NEMF: variants seen among roughly 807,000 people sequenced by gnomAD.
NEMF encodes nuclear export mediator factor, also known as ribosome quality control complex subunit NEMF.
Under a neutral mutation model 162.2 loss-of-function variants are expected in NEMF, and 89 were observed. The ratio of observed to expected loss-of-function variants is 0.55; its 90% CI spans 0.46 to 0.65. The LOEUF (loss-of-function observed/expected upper bound fraction) is 0.65, where lower values mean the gene tolerates loss of function less well. Ranked by LOEUF, NEMF falls within the 30% of genes least tolerant of loss-of-function variation. The probability of loss-of-function intolerance (pLI) is 0.00; values close to 1 mark genes in which losing one functional copy is unlikely to be tolerated. For missense variants in NEMF, 1,133 were observed against 1,261.9 expected, an observed-to-expected ratio of 0.90 and a Z score of 1.55; for synonymous variants, 421 against 404.5, an observed-to-expected ratio of 1.04 and a Z score of -0.49.
At chr14:49,838,093 C>T in intron 6 of NEMF, 46 bp downstream of exon 6, 1 of 1,440,720 alleles carries the variant, frequency 6.9e-7, no homozygotes, top group Non-Finnish European at 9.6e-7. Context: ...TCCTGAAAAC[C>T]ACACTGCCTT....
At chr14:49,789,430 C>A in intron 27 of NEMF, 66 bp downstream of exon 27, 2 of 1,608,796 alleles carry the variant, frequency 1.2e-6, no homozygotes, top group Non-Finnish European at 1.7e-6. Flanking sequence ...GCCTGTCATA[C>A]GCTAGGCAGT....
intron 26 of NEMF, among the ~76,000 whole-genome samples, chr14:49,792,541 G>A (rs184349575): frequency 2.2e-4 from 34 of 152,232 alleles, no homozygotes; most frequent in Non-Finnish European, 4.3e-4. Flanking sequence ...AAGTTCTAGA[G>A]AGCAGAAAAA....
rs956363478 is a variant in NEMF, at chr14:49,789,578, A to G, written c.2620-5T>C. The G allele has an allele frequency of 1.2e-6, 2 of 1,605,128 alleles. No individual in the cohort carries two copies. Among genetic ancestry groups the G allele is most frequent in the Admixed American group, 1.7e-5 (1 of 57,680 alleles). On this transcript the variant is annotated splice_region_variant and splice_polypyrimidine_tract_variant and intron_variant, in intron 26 of 32. Coordinates refer to ENST00000298310, the MANE Select transcript of NEMF (RefSeq NM_004713.6). ...TTTCATTTTTTTCATTTTACTCTAC[A>G]AAATCAGAAGATTTTGGTTGGAAAT...
intron 26 of NEMF, among the ~76,000 whole-genome samples, chr14:49,795,162 C>A (rs1219395469): frequency 6.6e-6 from 1 of 151,812 alleles, no homozygotes; most frequent in Non-Finnish European, 1.5e-5. Flanking sequence ...TAGTTAGACC[C>A]CATCGTTACA....
chr14:49,841,508 A>G (rs1893206665), intron 4 of NEMF, among the ~76,000 whole-genome samples: 1 of 136,846 alleles, frequency 7.3e-6, no homozygotes, highest in Non-Finnish European at 1.5e-5. Flanking sequence ...TGGGAGGTGG[A>G]GGTTGCAGTG....
At chr14:49,829,458 T>G (rs762814048) in intron 11 of NEMF, 32 bp from the exon 12 acceptor site, 3 of 1,557,654 alleles carry the variant, frequency 1.9e-6, no homozygotes, top group African/African-American at 1.4e-5. Flanking sequence ...TTTTAAAAAT[T>G]AGATTTCTCC....
At chr14:49,815,077 A>G (rs1245270980) in intron 16 of NEMF, among the ~76,000 whole-genome samples, 2 of 152,188 alleles carry the variant, frequency 1.3e-5, no homozygotes, top group Non-Finnish European at 2.9e-5. Context: ...ATGTTTAAAA[A>G]AGTTATCTCC....
chr14:49,784,918 ACTTTAC>A lies in NEMF; in HGVS notation c.3153+1_3153+6del. On this transcript the variant is annotated splice_donor_variant and splice_donor_5th_base_variant and intron_variant, in intron 32 of 32. Coordinates refer to ENST00000298310, the MANE Select transcript of NEMF (RefSeq NM_004713.6). LOFTEE classifies it high-confidence loss of function. ...CTCCACATTCCTTTTCTGAAGGAGA[ACTTTAC>A]CTTTACGCTGCGGAATAAGTCTTTT... 1.2e-6 allele frequency: 2 copies of A among 1,611,190 alleles called. No homozygotes were observed. The highest frequency in any genetic ancestry group is 1.7e-6 in the Non-Finnish European group (2 of 1,177,648).
intron 23 of NEMF, among the ~76,000 whole-genome samples, 174 bp from the exon 24 acceptor site, chr14:49,799,852 A>G (rs1291280232): frequency 6.6e-6 from 1 of 152,202 alleles, no homozygotes; most frequent in East Asian, 1.9e-4. Flanking sequence ...ACTTCCATAT[A>G]CATTTTTAAA....
intron 14 of NEMF, 84 bp from the exon 15 acceptor site, chr14:49,828,438 A>T: frequency 4.9e-6 from 5 of 1,014,278 alleles, no homozygotes; most frequent in East Asian, 2.6e-5. Flanking sequence ...CAAATTCTCA[A>T]ATTATACAGA....
chr14:49,825,320 C>T (rs1892281726), intron 16 of NEMF, among the ~76,000 whole-genome samples: 1 of 151,950 alleles, frequency 6.6e-6, no homozygotes, highest in Non-Finnish European at 1.5e-5. Context: ...GAATATAAAA[C>T]AGAAAAATTA....
At chr14:49,827,812 G>A (rs1329710202) in intron 15 of NEMF, among the ~76,000 whole-genome samples, 7 of 147,284 alleles carry the variant, frequency 4.8e-5, no homozygotes, top group African/African-American at 1.3e-4. Flanking sequence ...AAACTCCATC[G>A]CAAAAAAAAA....
intron 28 of NEMF, 121 bp from the exon 29 acceptor site, chr14:49,786,871 A>C (rs1890202604): frequency 1.2e-6 from 1 of 827,708 alleles, no homozygotes; most frequent in Non-Finnish European, 1.9e-6. Context: ...GACCCACAGG[A>C]TAGGGGGCCT....
At chr14:49,824,779 T>C (rs1193489490) in intron 16 of NEMF, among the ~76,000 whole-genome samples, 1 of 152,086 alleles carries the variant, frequency 6.6e-6, no homozygotes, top group African/African-American at 2.4e-5. Flanking sequence ...CCTCAAAAAC[T>C]CTGCTTTCTA....
Position 49,786,867 on chromosome 14 carries a change from C to A in NEMF, c.2896-117G>T, listed in dbSNP as rs1284928655. 5 of 893,390 alleles carry A rather than the reference C, an allele frequency of 5.6e-6. No homozygotes were observed. In the East Asian group the frequency reaches 1.0e-4, roughly 18 times the overall value. 55.3% of individuals were successfully genotyped at this position (893,390 alleles called of 1,614,324 possible). On this transcript the variant is annotated intron_variant, in intron 28 of 32. Coordinates refer to ENST00000298310, the MANE Select transcript of NEMF (RefSeq NM_004713.6). ...CAACCAGACTGTCATTTCTGACCCACAGGATAGGGGGCCTCAAGGTTATAT... is the reference window on the plus strand; with the variant it reads ...CAACCAGACTGTCATTTCTGACCCAAAGGATAGGGGGCCTCAAGGTTATAT...
chr14:49,852,548 C>A (rs1216193269), intron 1 of NEMF, 147 bp downstream of exon 1: 6 of 818,502 alleles, frequency 7.3e-6, no homozygotes, highest in Middle Eastern at 2.3e-4. Flanking sequence ...GGGAAAGACA[C>A]CACACGCCTG....
chr14:49,848,709 C>T (rs1893630444), intron 3 of NEMF, among the ~76,000 whole-genome samples: 1 of 151,750 alleles, frequency 6.6e-6, no homozygotes, highest in Non-Finnish European at 1.5e-5. Context: ...GTGGCGTGTG[C>T]CTGTAATCCC....
At chr14:49,787,588 A>C (rs952411792) in intron 28 of NEMF, among the ~76,000 whole-genome samples, 26 of 152,194 alleles carry the variant, frequency 1.7e-4, no homozygotes, top group Non-Finnish European at 2.6e-4. Flanking sequence ...TCATGACAGA[A>C]GAGCCCTCGT....
chr14:49,846,374 G>T, intron 3 of NEMF, 109 bp from the exon 4 acceptor site: 2 of 1,006,792 alleles, frequency 2.0e-6, no homozygotes, highest in Non-Finnish European at 3.0e-6. Flanking sequence ...TATTTAAAAC[G>T]TTGTGAATAA....
Sources: allele counts gnomAD v4.1 joint callset (sites outside exome capture counted in the v4.1 genomes callset), GRCh38; gene constraint gnomAD v4.1.1; transcripts MANE v1.5; gene names NCBI Gene and HGNC (gene_info 2026-07-23, HGNC 2026-07-21).